DYSF: variants seen among roughly 807,000 people sequenced by gnomAD.
The protein encoded by DYSF is dystrophy-associated fer-1-like 1.
Under a neutral mutation model 274.9 loss-of-function variants are expected in DYSF, and 212 were observed. The ratio of observed to expected loss-of-function variants is 0.77; its 90% CI spans 0.69 to 0.86. The LOEUF (loss-of-function observed/expected upper bound fraction) is 0.86, where lower values mean the gene tolerates loss of function less well. Ranked by LOEUF, DYSF falls within the 40% of genes least tolerant of loss-of-function variation. The pLI is 0.00. For synonymous variants in DYSF, 1,091 were observed against 1,078.7 expected, an observed-to-expected ratio of 1.01 and a Z score of -0.22; for missense variants, 2,666 against 2,783.2, an observed-to-expected ratio of 0.96 and a Z score of 0.95.
At chr2:71,611,046 G>C in intron 36 of DYSF, 199 bp from the exon 37 acceptor site, 1 of 626,900 alleles carries the variant, frequency 1.6e-6, no homozygotes, top group Non-Finnish European at 2.9e-6. Flanking sequence ...CTGGAATTGT[G>C]ATCCTGGAGA....
chr2:71,627,546 T>G (rs1480158290), intron 41 of DYSF, among the ~76,000 whole-genome samples: 5 of 152,110 alleles, frequency 3.3e-5, no homozygotes, highest in East Asian at 3.9e-4. Context: ...TTGAAAAGAA[T>G]GTGTATTGTC....
chr2:71,562,024 G>A (rs2091810362), intron 23 of DYSF, 80 bp downstream of exon 23: 1 of 1,544,788 alleles, frequency 6.5e-7, no homozygotes. Context: ...CAAGGCGAAT[G>A]TCTGGATTAT....
At position 71,520,790 on chromosome 2, in the gene DYSF, G is replaced by T. The variant is rs772044488; in HGVS notation, c.1035G>T (p.Arg345=). The T allele has an allele frequency of 6.2e-7, 1 of 1,613,794 alleles. No homozygotes were observed. Among genetic ancestry groups the T allele is most frequent in the Non-Finnish European group, 8.5e-7 (1 of 1,179,852 alleles). ...MDVGTIYREP[R]HAYLRKWLLL... ...ACCAGAGGATGTTGTCTCTCTTAGG[G>T]CACGCCTATCTCAGGAAGTGGCTGC... The change falls in exon 12 of 56, where the codon CGG becomes CGT. Residue 345 remains arginine, a splice_region_variant and synonymous_variant. Coordinates refer to ENST00000410020, the MANE Select transcript of DYSF (RefSeq NM_001130987.2).
chr2:71,494,504 G>T (rs778344317), intron 3 of DYSF, among the ~76,000 whole-genome samples: 2 of 152,234 alleles, frequency 1.3e-5, no homozygotes, highest in Non-Finnish European at 2.9e-5. Context: ...ATCCATGGAT[G>T]ATCCTTGCCT....
intron 36 of DYSF, among the ~76,000 whole-genome samples, chr2:71,606,536 A>G (rs4852265): frequency 0.63 from 95,579 of 151,732 alleles, 30,109 homozygotes; most frequent in East Asian, 0.76. Flanking sequence ...TGTCCTGGAG[A>G]GGGGGTGCTG....
chr2:71,652,671 C>T (rs1032692947), intron 42 of DYSF, among the ~76,000 whole-genome samples: 13 of 152,120 alleles, frequency 8.5e-5, no homozygotes, highest in Non-Finnish European at 1.9e-4. Flanking sequence ...ACAAAAATTC[C>T]AAAGAAACAT....
intron 29 of DYSF, among the ~76,000 whole-genome samples, chr2:71,571,818 CACACACATCACACCCAGCACAT>C: frequency 2.1e-5 from 3 of 145,082 alleles, no homozygotes; most frequent in Admixed American, 2.1e-4. Context: ...ACACCCAGCA[CACACACATCACACCCAGCACAT>C]GCACAGATCA....
intron 29 of DYSF, chr2:71,571,024 G>GCA (rs1309866206): frequency 1.8e-5 from 8 of 456,400 alleles, no homozygotes; most frequent in Non-Finnish European, 2.7e-5. Flanking sequence ...ATCACACTCA[G>GCA]CACACACACA....
At chr2:71,526,405 T>TGGGGGGGGGGGGGGGGGGGGGG in intron 13 of DYSF, 59 bp downstream of exon 13, 9 of 370,352 alleles carry the variant, frequency 2.4e-5, no homozygotes, top group African/African-American at 7.2e-5. Context: ...GCAGGGCTGG[T>TGGGGGGGGGGGGGGGGGGGGGG]GGGGGTGGGC....
chr2:71,602,769 G>T lies in DYSF; in HGVS notation c.3928-7G>T. 6.2e-7 allele frequency: 1 copy of T among 1,613,086 alleles called. No homozygotes were observed. The highest frequency in any genetic ancestry group is 8.5e-7 in the Non-Finnish European group (1 of 1,179,834). On this transcript the variant is annotated splice_polypyrimidine_tract_variant and splice_region_variant and intron_variant, in intron 35 of 55. Coordinates refer to ENST00000410020, the MANE Select transcript of DYSF (RefSeq NM_001130987.2). Reference sequence around the variant, plus strand: ...TGGATGTGCCACATCCCATGGCTGTGGGCCAGGTGCAGGAGACATCAAGGA... The same window carrying T: ...TGGATGTGCCACATCCCATGGCTGTTGGCCAGGTGCAGGAGACATCAAGGA...
intron 23 of DYSF, among the ~76,000 whole-genome samples, chr2:71,563,202 C>G (rs780025914): frequency 3.3e-5 from 5 of 152,212 alleles, no homozygotes; most frequent in Non-Finnish European, 7.3e-5. Flanking sequence ...TATTTGGAGT[C>G]AGAAAAACCT....
At chr2:71,657,439 G>A (rs2094795311) in intron 43 of DYSF, among the ~76,000 whole-genome samples, 1 of 152,176 alleles carries the variant, frequency 6.6e-6, no homozygotes, top group African/African-American at 2.4e-5. Flanking sequence ...AGGGTCTGGA[G>A]GAAGGTGGCC....
chr2:71,674,407 C>T (rs2095184654), intron 52 of DYSF, 111 bp downstream of exon 52: 1 of 1,039,460 alleles, frequency 9.6e-7, no homozygotes, highest in African/African-American at 1.6e-5. Context: ...GAGGAGTGAT[C>T]CCACTTTCTG....
At chr2:71,668,358 C>T (rs139639776) in intron 48 of DYSF, among the ~76,000 whole-genome samples, 15 of 152,292 alleles carry the variant, frequency 9.8e-5, no homozygotes, top group Non-Finnish European at 1.6e-4. Flanking sequence ...ATTCACACCT[C>T]GCTTGCAGAG....
At position 71,658,965 on chromosome 2, in the gene DYSF, C is replaced by G. The variant is rs1163488527; in HGVS notation, c.4843C>G (p.Gln1615Glu). ...CCACCAGCTGGCCGCCCAGGGACCC[C>G]AGGAGTGCTTGGTCCGTATCTACAT... is the stretch of plus-strand genomic sequence containing the variant. ...QFHQLAAQGPQECLVRIYIVR... is the reference protein window; with the variant it reads ...QFHQLAAQGPEECLVRIYIVR... The change falls in exon 44 of 56, where the codon CAG (glutamine) becomes GAG (glutamate). Residue 1615 changes from glutamine to glutamate, a missense_variant. Physicochemically the swap from Gln to Glu is conservative, Grantham distance 29 (BLOSUM62 2). Transcript: ENST00000410020. 5.0e-6 allele frequency: 8 copies of G among 1,614,062 alleles called. No homozygotes were observed. The Admixed American group carries it at 8.3e-5, about 17-fold the overall frequency.
intron 40 of DYSF, among the ~76,000 whole-genome samples, chr2:71,614,112 T>A (rs1028342614): frequency 1.3e-5 from 2 of 152,152 alleles, no homozygotes; most frequent in Non-Finnish European, 2.9e-5. Context: ...CCCCCGACTG[T>A]GGGCCATGGA....
chr2:71,530,688 G>T (rs1470708245), intron 14 of DYSF, among the ~76,000 whole-genome samples: 1 of 152,174 alleles, frequency 6.6e-6, no homozygotes, highest in Non-Finnish European at 1.5e-5. Flanking sequence ...AACCTGGCCA[G>T]CCTCCTCGGT....
intron 12 of DYSF, 71 bp downstream of exon 12, chr2:71,520,975 A>G: frequency 7.8e-7 from 1 of 1,278,996 alleles, no homozygotes; most frequent in Admixed American, 1.8e-5. Flanking sequence ...ACCAAACCAC[A>G]AACAAAAACT....
intron 4 of DYSF, among the ~76,000 whole-genome samples, chr2:71,510,962 C>G (rs897280193): frequency 6.6e-6 from 1 of 152,200 alleles, no homozygotes; most frequent in Non-Finnish European, 1.5e-5. Flanking sequence ...TCTGTGCTTC[C>G]CAAACTTTCT....
Sources: gnomAD v4.1 joint callset for allele counts (sites outside exome capture counted in the v4.1 genomes callset) on GRCh38, gnomAD v4.1.1 for gene constraint, MANE v1.5 for transcripts, NCBI Gene and HGNC (gene_info 2026-07-23, HGNC 2026-07-21) for gene names.